Variants in STIM1 observed in about 807,000 individuals in gnomAD.
The protein encoded by STIM1 is stromal interaction molecule 1.
A neutral mutation model predicts 74.7 loss-of-function variants in STIM1; 25 were observed. The ratio of observed to expected loss-of-function variants is 0.33; its 90% confidence interval spans 0.24 to 0.47. The LOEUF (loss-of-function observed/expected upper bound fraction) is 0.47. STIM1 is among the 20% of genes least tolerant of loss of function. The probability of loss-of-function intolerance (pLI) is 1.00; values close to 1 mark genes in which losing one functional copy is unlikely to be tolerated. For missense variants in STIM1, 728 were observed against 920.8 expected (o/e 0.79, Z 2.71); for synonymous variants, 328 against 348.8 (o/e 0.94, Z 0.66).
intron 1 of STIM1, among the ~76,000 whole-genome samples, chr11:3,923,169 A>G (rs570959861): frequency 4.0e-4 from 60 of 149,234 alleles, no homozygotes; most frequent in African/African-American, 1.4e-3. Context: ...AATTTTTTTT[A>G]TCTAAAAGTT....
At chr11:3,930,393 C>T (rs1415303719) in intron 1 of STIM1, among the ~76,000 whole-genome samples, 1 of 152,194 alleles carries the variant, frequency 6.6e-6, no homozygotes, top group Admixed American at 6.5e-5. Flanking sequence ...CTGTTTATAA[C>T]TTTCTATAGT....
intron 12 of STIM1, chr11:4,089,088 T>C (rs955697872): frequency 2.1e-5 from 6 of 283,234 alleles, no homozygotes; most frequent in African/African-American, 1.3e-4. Context: ...ATCAAAAATT[T>C]AGTTGGGCAT....
chr11:4,033,655 G>T (rs1056950102), intron 3 of STIM1, among the ~76,000 whole-genome samples: 73 of 151,714 alleles, frequency 4.8e-4, no homozygotes, highest in Non-Finnish European at 5.9e-5. Context: ...GAGTGCAGTG[G>T]CATGATCTTG....
chr11:4,080,711 CTGCTT>C (rs2094461114), intron 7 of STIM1, among the ~76,000 whole-genome samples: 4 of 152,212 alleles, frequency 2.6e-5, no homozygotes, highest in Admixed American at 6.5e-5. Flanking sequence ...AGTGATCCTC[CTGCTT>C]TGGCCTTCCA....
At position 4,091,914 on chromosome 11, in the gene STIM1, C is replaced by T; in HGVS notation, c.*116C>T. The T allele has an allele frequency of 1.4e-6, 2 of 1,428,002 alleles. No homozygotes were observed. The highest frequency in any genetic ancestry group is 9.6e-7 in the Non-Finnish European group (1 of 1,043,864). 88.5% of individuals were successfully genotyped at this position (1,428,002 alleles called of 1,614,324 possible). A position where few individuals can be genotyped will look rare whatever the true frequency, so the allele number is the denominator to read the frequency against. ...AGAGTGGGGCATGGGAAGGGCTGGT[C>T]CAGGGGTCTGGGCACTGTACATACC... On this transcript the variant is annotated 3_prime_UTR_variant, in exon 13 of 13. Coordinates refer to ENST00000526596, the MANE Select transcript of STIM1 (RefSeq NM_001382567.1).
At chr11:3,925,913 A>G (rs1335491315) in intron 1 of STIM1, among the ~76,000 whole-genome samples, 1 of 152,190 alleles carries the variant, frequency 6.6e-6, no homozygotes, top group African/African-American at 2.4e-5. Flanking sequence ...TTAATAATAA[A>G]TTTAAATCCA....
At chr11:3,987,481 T>G (rs2093568047) in intron 2 of STIM1, among the ~76,000 whole-genome samples, 1 of 151,614 alleles carries the variant, frequency 6.6e-6, no homozygotes, top group African/African-American at 2.4e-5. Flanking sequence ...ATGGAGGAGT[T>G]GGAGAGAAAG....
chr11:3,998,716 G>A (rs2093684560), intron 2 of STIM1, among the ~76,000 whole-genome samples: 1 of 152,150 alleles, frequency 6.6e-6, no homozygotes, highest in South Asian at 2.1e-4. Flanking sequence ...GAACAAATAG[G>A]ATAGGGCAAT....
chr11:3,899,917 G>T (rs1160898558), intron 1 of STIM1, among the ~76,000 whole-genome samples: 1 of 151,946 alleles, frequency 6.6e-6, no homozygotes, highest in East Asian at 1.9e-4. Context: ...GATTCGGTTT[G>T]CCAGTATTTT....
chr11:3,993,154 A>G (rs148429738), intron 2 of STIM1, among the ~76,000 whole-genome samples: 241 of 152,120 alleles, frequency 1.6e-3, no homozygotes, highest in African/African-American at 5.4e-3. Context: ...TCTCCACAAA[A>G]GTTAGCAAGG....
At chr11:3,948,377 G>GA in intron 1 of STIM1, among the ~76,000 whole-genome samples, 1 of 151,926 alleles carries the variant, frequency 6.6e-6, no homozygotes, top group Non-Finnish European at 1.5e-5. Context: ...ATATATAAGA[G>GA]AAAAAAATTA....
At chr11:3,858,252 TTG>T (rs1565091971) in intron 1 of STIM1, among the ~76,000 whole-genome samples, 13 of 139,076 alleles carry the variant, frequency 9.3e-5, no homozygotes, top group South Asian at 5.1e-4. Flanking sequence ...TTTTTGTTTT[TTG>T]TTTTTCGCCT....
intron 2 of STIM1, among the ~76,000 whole-genome samples, chr11:3,986,386 G>A (rs1473791996): frequency 6.6e-6 from 1 of 152,108 alleles, no homozygotes; most frequent in Non-Finnish European, 1.5e-5. Context: ...GGGAATCTGT[G>A]GTCAGTGGTT....
chr11:4,053,706 T>G lies in STIM1; in HGVS notation c.386-1820T>G, dbSNP rs151186993. On this transcript the variant is annotated intron_variant, in intron 3 of 12. Transcript: ENST00000526596. ...GTAAAAAACCTGCACATTGTGCACA[T>G]GTACCCTAGAACTTAAAGTATAATA... Among the ~76,000 whole-genome samples the G allele has an allele frequency of 9.5e-3, 1,441 of 151,780 alleles. 22 individuals carry two copies. The highest frequency in any genetic ancestry group is 0.032 in the African/African-American group (1,342 of 41,376).
At chr11:4,082,027 G>C (rs1565170392) in intron 7 of STIM1, among the ~76,000 whole-genome samples, 157 bp from the exon 8 acceptor site, 2 of 152,232 alleles carry the variant, frequency 1.3e-5, no homozygotes, top group Non-Finnish European at 2.9e-5. Flanking sequence ...CGCTGAGCTT[G>C]CTTTCTTCTA....
chr11:4,071,173 G>T (rs2133166842), intron 6 of STIM1, among the ~76,000 whole-genome samples: 1 of 152,244 alleles, frequency 6.6e-6, no homozygotes, highest in African/African-American at 2.4e-5. Context: ...GATGCAGAAG[G>T]CAATAGAGAG....
At chr11:4,012,195 T>C (rs1282489657) in intron 2 of STIM1, among the ~76,000 whole-genome samples, 1 of 152,250 alleles carries the variant, frequency 6.6e-6, no homozygotes, top group Non-Finnish European at 1.5e-5. Flanking sequence ...TAGGATTGTC[T>C]TGGCTATGCG....
chr11:3,871,030 T>G (rs568047068), intron 1 of STIM1, among the ~76,000 whole-genome samples: 23 of 151,606 alleles, frequency 1.5e-4, no homozygotes, highest in Non-Finnish European at 3.1e-4. Flanking sequence ...CTGCCACCAC[T>G]CCCAACTAAT....
At chr11:3,897,841 A>G (rs1590542021) in intron 1 of STIM1, among the ~76,000 whole-genome samples, 1 of 152,186 alleles carries the variant, frequency 6.6e-6, no homozygotes, top group African/African-American at 2.4e-5. Context: ...AAAGGACACG[A>G]ACTCATCATT....
Sources: gnomAD v4.1 joint callset for allele counts (sites outside exome capture counted in the v4.1 genomes callset) on GRCh38, gnomAD v4.1.1 for gene constraint, MANE v1.5 for transcripts, NCBI Gene and HGNC (gene_info 2026-07-23, HGNC 2026-07-21) for gene names.